Variants in HIPK2 observed in about 807,000 individuals in gnomAD.
HIPK2 encodes homeodomain interacting protein kinase 2, also known as homeodomain-interacting protein kinase 2.
A neutral mutation model predicts 113.7 loss-of-function variants in HIPK2; 27 were observed. That is an observed-to-expected ratio of 0.24 (90% CI 0.17 to 0.33). The LOEUF is 0.33. HIPK2 is among the 10% of genes least tolerant of loss of function. The probability of loss-of-function intolerance (pLI) is 1.00; values close to 1 mark genes in which losing one functional copy is unlikely to be tolerated. For synonymous variants in HIPK2, 631 were observed against 642.2 expected (o/e 0.98, Z 0.26); for missense variants, 1,257 against 1,588.0 (o/e 0.79, Z 3.54).
At chr7:139,629,857 T>C (rs1800551766) in intron 4 of HIPK2, among the ~76,000 whole-genome samples, 2 of 151,998 alleles carry the variant, frequency 1.3e-5, no homozygotes, top group African/African-American at 4.8e-5. Context: ...CTCACCCTCC[T>C]CCACCGGAGG....
chr7:139,597,173 A>C (rs1799252158), intron 11 of HIPK2, 175 bp from the exon 12 acceptor site: 4 of 238,244 alleles, frequency 1.7e-5, no homozygotes, highest in Non-Finnish European at 2.7e-5. Context: ...GAGCGGCTAC[A>C]CAGGCCTTCT....
intron 1 of HIPK2, among the ~76,000 whole-genome samples, chr7:139,750,259 A>G (rs192163540): frequency 6.6e-6 from 1 of 152,358 alleles, no homozygotes; most frequent in East Asian, 1.9e-4. Context: ...CCACCCAATT[A>G]TCCTATTTAC....
At chr7:139,749,584 T>C (rs1796246201) in intron 1 of HIPK2, among the ~76,000 whole-genome samples, 1 of 152,224 alleles carries the variant, frequency 6.6e-6, no homozygotes, top group Non-Finnish European at 1.5e-5. Flanking sequence ...TAGCATTTAC[T>C]GGGCGTGGAT....
chr7:139,734,289 A>G (rs1294311942), intron 1 of HIPK2, among the ~76,000 whole-genome samples: 1 of 152,240 alleles, frequency 6.6e-6, no homozygotes, highest in Non-Finnish European at 1.5e-5. Context: ...AGTGATTTCA[A>G]GTGTGCACGT....
chr7:139,734,364 C>T (rs146553131), intron 1 of HIPK2, among the ~76,000 whole-genome samples: 2,598 of 152,286 alleles, frequency 0.017, 29 homozygotes, highest in Non-Finnish European at 0.03. Context: ...GTGACAAATG[C>T]TCTGGTTTGG....
chr7:139,711,376 C>T (rs1276932980), intron 2 of HIPK2, among the ~76,000 whole-genome samples: 1 of 151,856 alleles, frequency 6.6e-6, no homozygotes, highest in African/African-American at 2.4e-5. Context: ...TGCAGTGAGT[C>T]GAGATCGCAC....
chr7:139,717,900 C>T (rs527613144), intron 1 of HIPK2, among the ~76,000 whole-genome samples: 7 of 151,734 alleles, frequency 4.6e-5, no homozygotes, highest in African/African-American at 1.7e-4. Context: ...CCTGCCACCA[C>T]GCCCGACTAA....
At chr7:139,693,555 A>G (rs1244792883) in intron 2 of HIPK2, among the ~76,000 whole-genome samples, 1 of 152,064 alleles carries the variant, frequency 6.6e-6, no homozygotes, top group Non-Finnish European at 1.5e-5. Context: ...CCTCAGACTC[A>G]ATTTTCTCAT....
At chr7:139,649,699 G>C (rs1801386944) in intron 2 of HIPK2, among the ~76,000 whole-genome samples, 2 of 152,104 alleles carry the variant, frequency 1.3e-5, no homozygotes, top group East Asian at 1.9e-4. Flanking sequence ...TACCAATTCA[G>C]AGGGTCCCAG....
intron 12 of HIPK2, among the ~76,000 whole-genome samples, chr7:139,589,110 C>A (rs1241300721): frequency 6.6e-6 from 1 of 152,196 alleles, no homozygotes; most frequent in East Asian, 1.9e-4. Context: ...AGTCCTAGCT[C>A]TGCTGTTCCT....
At chr7:139,662,680 C>A (rs987729727) in intron 2 of HIPK2, among the ~76,000 whole-genome samples, 1 of 147,622 alleles carries the variant, frequency 6.8e-6, no homozygotes, top group Non-Finnish European at 1.5e-5. Flanking sequence ...AGCACAGTGG[C>A]GTGATCTCGG....
intron 9 of HIPK2, among the ~76,000 whole-genome samples, chr7:139,605,163 G>C (rs774289529): frequency 7.2e-5 from 11 of 152,160 alleles, no homozygotes; most frequent in Non-Finnish European, 1.5e-4. Context: ...AGAGGCGGAA[G>C]TCACTGCTTG....
chr7:139,722,491 A>G (rs748297058), intron 1 of HIPK2, among the ~76,000 whole-genome samples: 5 of 152,178 alleles, frequency 3.3e-5, no homozygotes, highest in Non-Finnish European at 7.4e-5. Context: ...TCAAAATACT[A>G]TTTTTAAAAC....
intron 1 of HIPK2, among the ~76,000 whole-genome samples, chr7:139,730,136 A>T (rs1795726617): frequency 6.6e-6 from 1 of 152,208 alleles, no homozygotes; most frequent in Non-Finnish European, 1.5e-5. Context: ...TCTGAGCAAG[A>T]GTGAATTTGT....
At chr7:139,609,846 C>G (rs1799751303) in intron 9 of HIPK2, among the ~76,000 whole-genome samples, 1 of 152,136 alleles carries the variant, frequency 6.6e-6, no homozygotes, top group Non-Finnish European at 1.5e-5. Flanking sequence ...TCTTAGAAAT[C>G]TCTGCATGTC....
chr7:139,574,942 A>G (rs1798436426), intron 14 of HIPK2, 186 bp downstream of exon 14: 4 of 296,282 alleles, frequency 1.4e-5, no homozygotes, highest in Admixed American at 6.5e-5. Context: ...GGTGATATCA[A>G]CTTCCCCAAG....
chr7:139,619,772 G>GT lies in HIPK2; in HGVS notation c.1782+628dup, dbSNP rs965456775. Among the ~76,000 whole-genome samples the GT allele has an allele frequency of 5.3e-4, 81 of 152,006 alleles. 1 individual carries two copies. Among genetic ancestry groups the GT allele is most frequent in the African/African-American group, 1.6e-3 (65 of 41,468 alleles). ...CCATGTTTCCATGATCTTTTTCTTT[G>GT]TTTTTTGAGACGGGGTCTCACTCTG... On this transcript the variant is annotated intron_variant, in intron 7 of 14. Transcript: ENST00000406875.
At chr7:139,738,315 G>A (rs1420024415) in intron 1 of HIPK2, among the ~76,000 whole-genome samples, 1 of 152,260 alleles carries the variant, frequency 6.6e-6, no homozygotes, top group Non-Finnish European at 1.5e-5. Flanking sequence ...TGAAGCATCG[G>A]GGGTAACGCG....
chr7:139,702,392 C>T (rs1794735659), intron 2 of HIPK2, among the ~76,000 whole-genome samples: 1 of 152,226 alleles, frequency 6.6e-6, no homozygotes, highest in East Asian at 1.9e-4. Context: ...CCTTGGGCCA[C>T]AGCCCAGTCA....
Sources: gnomAD v4.1 joint callset for allele counts (sites outside exome capture counted in the v4.1 genomes callset) on GRCh38, gnomAD v4.1.1 for gene constraint, MANE v1.5 for transcripts, NCBI Gene and HGNC (gene_info 2026-07-23, HGNC 2026-07-21) for gene names.